SLC38A8: variants seen among roughly 807,000 people sequenced by gnomAD.
The protein encoded by SLC38A8 is solute carrier family 38 member 8, also known as amino acid transporter SLC38A8.
SLC38A8 carries 65 observed loss-of-function variants against 46.0 expected under a neutral mutation model. The ratio of observed to expected loss-of-function variants is 1.41; its 90% CI spans 1.16 to 1.74. SLC38A8 has a LOEUF of 1.74. Ranked by LOEUF, SLC38A8 falls within the 40% of genes most tolerant of loss-of-function variation. The probability of loss-of-function intolerance (pLI) is 0.00; values close to 1 mark genes in which losing one functional copy is unlikely to be tolerated. For missense variants in SLC38A8, 998 were observed against 567.9 expected (o/e 1.76, Z -7.70); for synonymous variants, 447 against 243.7 (o/e 1.83, Z -7.77).
chr16:84,025,625 C>T (rs145645573), intron 6 of SLC38A8, among the ~76,000 whole-genome samples: 42 of 152,312 alleles, frequency 2.8e-4, no homozygotes, highest in African/African-American at 9.4e-4. Flanking sequence ...ATCCCGTGAA[C>T]CCACCCAGCA....
rs969804816 is a variant in SLC38A8 at position 84,033,972 on chromosome 16, A to G, written c.389-503T>C. On this transcript the variant is annotated intron_variant, in intron 3 of 10. Transcript: ENST00000299709. Reference sequence around the variant, plus strand: ...TTATTACAAGTCATGGATCGTAGGTAGAGAGTTAGTACAGGGCCAGGCTGG... The same window carrying G: ...TTATTACAAGTCATGGATCGTAGGTGGAGAGTTAGTACAGGGCCAGGCTGG... Among the ~76,000 whole-genome samples the G allele has an allele frequency of 3.9e-5, 6 of 152,230 alleles. 1 individual carries two copies. The highest frequency in any genetic ancestry group is 1.4e-4 in the African/African-American group (6 of 41,474).
At chr16:84,013,210 G>A (rs546371698) in intron 9 of SLC38A8, among the ~76,000 whole-genome samples, 158 bp from the exon 10 acceptor site, 1 of 152,312 alleles carries the variant, frequency 6.6e-6, no homozygotes, top group Admixed American at 6.5e-5. Flanking sequence ...CAGTGGAGCT[G>A]GAAGGACGGG....
rs144145002 is a variant in SLC38A8 at position 84,033,342 on chromosome 16, G to A, written c.516C>T (p.Phe172=). The change falls in exon 4 of 11, where the codon TTC becomes TTT. Residue 172 remains phenylalanine (F), a synonymous_variant. Transcript: ENST00000299709. ...CCAGCCCTTACCTTGTGTATTTCTG[G>A]AAGGCGATCTCCCGCGGGGCAGACA... ...LPLSAPREIA[F]QKYTSILGTL... 19 of 1,613,932 alleles carry A rather than the reference G, an allele frequency of 1.2e-5. No homozygotes were observed. The highest frequency in any genetic ancestry group is 1.6e-5 in the Non-Finnish European group (19 of 1,180,004).
chr16:84,031,569 G>A (rs2085238388), intron 5 of SLC38A8, among the ~76,000 whole-genome samples: 1 of 150,394 alleles, frequency 6.6e-6, no homozygotes, highest in African/African-American at 2.4e-5. Flanking sequence ...GCCAGATTCT[G>A]TACCTCCACA....
At chr16:84,038,788 T>C (rs1461034190) in intron 2 of SLC38A8, among the ~76,000 whole-genome samples, 1 of 152,134 alleles carries the variant, frequency 6.6e-6, no homozygotes, top group Non-Finnish European at 1.5e-5. Context: ...AATTCCTGGC[T>C]ACTCCCACTC....
intron 9 of SLC38A8, 92 bp from the exon 10 acceptor site, chr16:84,013,144 C>T: frequency 6.9e-7 from 1 of 1,458,778 alleles, no homozygotes; most frequent in African/African-American, 1.4e-5. Flanking sequence ...ACCCAGGAGG[C>T]CAGCAAGGCC....
chr16:84,024,891 G>T (rs1184385889), intron 6 of SLC38A8, among the ~76,000 whole-genome samples: 1 of 152,102 alleles, frequency 6.6e-6, no homozygotes, highest in African/African-American at 2.4e-5. Flanking sequence ...ATGTTGTCCA[G>T]GCTGGTCTCA....
In SLC38A8 at chr16:84,016,594, G is replaced by C; in HGVS notation, c.1087C>G (p.Leu363Val). 1 of 1,614,052 alleles carries C rather than the reference G, an allele frequency of 6.2e-7. No homozygotes were observed. Among genetic ancestry groups the C allele is most frequent in the Non-Finnish European group, 8.5e-7 (1 of 1,180,036 alleles). Reference protein sequence around the residue: ...LWVTVTLAMALFMPDLSEIVS... With the variant: ...LWVTVTLAMAVFMPDLSEIVS... ...ATCTCGCTGAGGTCAGGCATAAACA[G>C]CGCCATGGCGAGCGTCACGGTGACC... Residue 363 changes from leucine to valine, a missense_variant, in exon 9 of 11, where the codon CTG (leucine) becomes GTG (valine). By Grantham distance (32) the Leu-to-Val change is conservative. Coordinates refer to ENST00000299709, the MANE Select transcript of SLC38A8 (RefSeq NM_001080442.3).
Position 84,016,693 on chromosome 16 carries a change from A to G in SLC38A8, c.988T>C (p.Leu330=). 2 of 1,613,326 alleles carry G rather than the reference A, an allele frequency of 1.2e-6. No homozygotes were observed. Among genetic ancestry groups the G allele is most frequent in the South Asian group, 2.2e-5 (2 of 91,054 alleles). ...AGGGCGCTGGGCCCCCATCCCCCCA[A>G]GCAGCTCCTCCTCCAGAAGTCCTGC... ...VMQDFWRRSC[L]GGWGPSALAD... The change falls in exon 9 of 11, where the codon TTG becomes CTG. Residue 330 remains leucine, a synonymous_variant. Coordinates refer to ENST00000299709, the MANE Select transcript of SLC38A8 (RefSeq NM_001080442.3).
intron 3 of SLC38A8, among the ~76,000 whole-genome samples, chr16:84,034,993 C>A (rs1042898621): frequency 6.6e-6 from 1 of 152,148 alleles, no homozygotes; most frequent in Admixed American, 6.5e-5. Flanking sequence ...CTCTATCTAG[C>A]ACTCCGTCTC....
At chr16:84,030,758 G>A (rs57225660) in intron 5 of SLC38A8, among the ~76,000 whole-genome samples, 2,218 of 152,246 alleles carry the variant, frequency 0.015, 54 homozygotes, top group African/African-American at 0.05. Flanking sequence ...AGGAATATGC[G>A]GGGACCCTTG....
At chr16:84,036,291 G>A (rs959083596) in intron 3 of SLC38A8, among the ~76,000 whole-genome samples, 3 of 152,248 alleles carry the variant, frequency 2.0e-5, no homozygotes, top group Admixed American at 6.5e-5. Context: ...GCAAGATGCA[G>A]CTAAAGCAGT....
intron 9 of SLC38A8, among the ~76,000 whole-genome samples, chr16:84,013,422 G>GCTTTTTT (rs2084978134): frequency 9.2e-6 from 1 of 108,700 alleles, no homozygotes; most frequent in Non-Finnish European, 1.8e-5. Flanking sequence ...TGTTGTGTGT[G>GCTTTTTT]TGTTTTTTTT....
intron 7 of SLC38A8, among the ~76,000 whole-genome samples, chr16:84,020,866 C>G (rs574079870): frequency 2.6e-5 from 4 of 152,224 alleles, no homozygotes; most frequent in African/African-American, 9.7e-5. Flanking sequence ...GTTTCCTATA[C>G]GCGCTGCACT....
chr16:84,032,624 G>A (rs1223455584), intron 4 of SLC38A8, among the ~76,000 whole-genome samples: 1 of 152,230 alleles, frequency 6.6e-6, no homozygotes, highest in African/African-American at 2.4e-5. Flanking sequence ...ACTTGAGAGG[G>A]GACAAGCCGC....
chr16:84,022,557 T>C (rs1011647925), intron 7 of SLC38A8, among the ~76,000 whole-genome samples: 24 of 152,222 alleles, frequency 1.6e-4, no homozygotes, highest in Admixed American at 1.4e-3. Context: ...CAGATCTAGC[T>C]GTGAAACCTC....
chr16:84,022,968 G>C (rs1247273169), intron 6 of SLC38A8, 79 bp from the exon 7 acceptor site: 1 of 1,008,814 alleles, frequency 9.9e-7, no homozygotes, highest in South Asian at 1.7e-5. Context: ...ATATCCAAAA[G>C]GCGGGAAATG....
chr16:84,015,375 C>T (rs1012321380), intron 9 of SLC38A8, among the ~76,000 whole-genome samples: 6 of 152,016 alleles, frequency 3.9e-5, no homozygotes, highest in South Asian at 2.1e-4. Flanking sequence ...AACCATCCTT[C>T]GCAGAAACGG....
chr16:84,020,042 T>C (rs772592036), intron 7 of SLC38A8, among the ~76,000 whole-genome samples: 1 of 152,238 alleles, frequency 6.6e-6, no homozygotes, highest in African/African-American at 2.4e-5. Context: ...CTTCGCAGTT[T>C]GTAGTCCCAG....
Sources: gnomAD v4.1 joint callset for allele counts (sites outside exome capture counted in the v4.1 genomes callset) on GRCh38, gnomAD v4.1.1 for gene constraint, MANE v1.5 for transcripts, NCBI Gene and HGNC (gene_info 2026-07-23, HGNC 2026-07-21) for gene names.